The following CCSER1 variants were observed in gnomAD, a reference collection of about 807,000 sequenced individuals.
CCSER1 encodes serine-rich coiled-coil domain-containing protein 1.
A neutral mutation model predicts 82.0 loss-of-function variants in CCSER1; 41 were observed. The observed-to-expected ratio is 0.50, with a 90% CI of 0.39 to 0.65. The LOEUF is 0.65. Among genes scored for constraint, CCSER1 ranks in the 30% least tolerant of loss-of-function variants. The probability of loss-of-function intolerance (pLI) is 0.00; values close to 1 mark genes in which losing one functional copy is unlikely to be tolerated. For synonymous variants in CCSER1, 414 were observed against 383.9 expected (o/e 1.08, Z -0.92); for missense variants, 1,119 against 1,064.2 (o/e 1.05, Z -0.72).
chr4:90,535,916 G>C (rs1040297740), intron 5 of CCSER1, among the ~76,000 whole-genome samples: 1 of 152,078 alleles, frequency 6.6e-6, no homozygotes, highest in Non-Finnish European at 1.5e-5. Context: ...TGAGGAGATG[G>C]AGACTGTAGT....
At chr4:91,296,742 T>C (rs1469297786) in intron 10 of CCSER1, among the ~76,000 whole-genome samples, 2 of 151,120 alleles carry the variant, frequency 1.3e-5, no homozygotes, top group Non-Finnish European at 3.0e-5. Flanking sequence ...ATTCAATGTA[T>C]TCTATACATT....
intron 3 of CCSER1, among the ~76,000 whole-genome samples, chr4:90,324,207 A>G (rs890991466): frequency 1.3e-5 from 2 of 152,218 alleles, no homozygotes; most frequent in African/African-American, 4.8e-5. Context: ...GCTGGGTCAA[A>G]TGGTATTTCT....
chr4:90,243,789 A>G (rs1351810103), intron 1 of CCSER1, among the ~76,000 whole-genome samples: 1 of 152,114 alleles, frequency 6.6e-6, no homozygotes, highest in Non-Finnish European at 1.5e-5. Context: ...ATAAATAAGC[A>G]GGGTGAATAT....
chr4:90,197,427 G>A (rs1385465426), intron 1 of CCSER1, among the ~76,000 whole-genome samples: 1 of 152,046 alleles, frequency 6.6e-6, no homozygotes, highest in Non-Finnish European at 1.5e-5. Flanking sequence ...TCTCATTACT[G>A]GGTATATACC....
At chr4:91,523,675 G>A (rs549271385) in intron 10 of CCSER1, among the ~76,000 whole-genome samples, 9 of 152,110 alleles carry the variant, frequency 5.9e-5, no homozygotes, top group Non-Finnish European at 1.2e-4. Flanking sequence ...GGTGTTTCTG[G>A]TATTCTCTGA....
chr4:90,883,217 C>T (rs1254573032), intron 8 of CCSER1, among the ~76,000 whole-genome samples: 1 of 151,906 alleles, frequency 6.6e-6, no homozygotes, highest in Non-Finnish European at 1.5e-5. Context: ...TAATTCATGG[C>T]AATAGTAAAC....
At chr4:91,075,485 G>A (rs1490331963) in intron 9 of CCSER1, among the ~76,000 whole-genome samples, 6 of 151,978 alleles carry the variant, frequency 3.9e-5, no homozygotes, top group Non-Finnish European at 7.4e-5. Flanking sequence ...TAACAAAGTG[G>A]ATTTTAAATC....
At chr4:90,794,341 A>G (rs1374640874) in intron 7 of CCSER1, among the ~76,000 whole-genome samples, 1 of 152,162 alleles carries the variant, frequency 6.6e-6, no homozygotes, top group East Asian at 1.9e-4. Context: ...ATTTTTGTAT[A>G]TGATGTAAGG....
At chr4:91,564,186 G>A (rs1762780765) in intron 10 of CCSER1, among the ~76,000 whole-genome samples, 1 of 151,846 alleles carries the variant, frequency 6.6e-6, no homozygotes, top group Non-Finnish European at 1.5e-5. Flanking sequence ...ATTGTCTCCA[G>A]CTTCATCCAT....
chr4:91,381,074 C>T (rs1261257277), intron 10 of CCSER1, among the ~76,000 whole-genome samples: 1 of 152,038 alleles, frequency 6.6e-6, no homozygotes, highest in Non-Finnish European at 1.5e-5. Flanking sequence ...GAATATTGGC[C>T]CCCACTCTCT....
chr4:90,177,192 A>C (rs2153382753), intron 1 of CCSER1, among the ~76,000 whole-genome samples: 1 of 152,254 alleles, frequency 6.6e-6, no homozygotes, highest in Non-Finnish European at 1.5e-5. Context: ...ATCAAAGTGC[A>C]GTTCATTTTA....
At chr4:90,535,521 T>C (rs972163382) in intron 5 of CCSER1, among the ~76,000 whole-genome samples, 9 of 152,222 alleles carry the variant, frequency 5.9e-5, no homozygotes, top group Non-Finnish European at 1.3e-4. Context: ...AAGAACTATA[T>C]TGTTTACACT....
At chr4:90,813,739 T>C (rs62309551) in intron 7 of CCSER1, among the ~76,000 whole-genome samples, 50,762 of 152,008 alleles carry the variant, frequency 0.33, 8,619 homozygotes, top group East Asian at 0.42. Context: ...CAATTAAACC[T>C]CTTTTTCTTT....
intron 8 of CCSER1, among the ~76,000 whole-genome samples, chr4:90,877,239 A>T (rs1157752386): frequency 6.6e-6 from 1 of 152,132 alleles, no homozygotes; most frequent in Non-Finnish European, 1.5e-5. Context: ...CTAGGTGCTC[A>T]GTTCAGCCTT....
chr4:91,557,662 G>A (rs1018031687), intron 10 of CCSER1, among the ~76,000 whole-genome samples: 6 of 151,408 alleles, frequency 4.0e-5, no homozygotes, highest in Non-Finnish European at 7.4e-5. Flanking sequence ...GGTTGGATGA[G>A]TTCCTAATGG....
chr4:90,453,809 A>G (rs1451864765), intron 4 of CCSER1, among the ~76,000 whole-genome samples: 1 of 152,164 alleles, frequency 6.6e-6, no homozygotes, highest in Non-Finnish European at 1.5e-5. Context: ...TGGTAGCACT[A>G]AGAGAGAAGG....
intron 1 of CCSER1, among the ~76,000 whole-genome samples, chr4:90,220,192 A>G (rs1177079197): frequency 2.0e-5 from 3 of 152,258 alleles, no homozygotes; most frequent in Non-Finnish European, 4.4e-5. Flanking sequence ...AAACTTTATC[A>G]TAGGTGTGTA....
intron 8 of CCSER1, 147 bp downstream of exon 8, chr4:90,815,992 A>G: frequency 1.9e-6 from 1 of 530,418 alleles, no homozygotes; most frequent in Non-Finnish European, 3.3e-6. Flanking sequence ...TAATTCTGTC[A>G]TGAAAACTAT....
chr4:90,521,111 A>G (rs1485484936), intron 5 of CCSER1, among the ~76,000 whole-genome samples: 3 of 152,104 alleles, frequency 2.0e-5, no homozygotes, highest in Non-Finnish European at 4.4e-5. Context: ...TAAACACTCA[A>G]TTTGCTTTCT....
Sources: gnomAD v4.1 joint callset for allele counts (sites outside exome capture counted in the v4.1 genomes callset) on GRCh38, gnomAD v4.1.1 for gene constraint, MANE v1.5 for transcripts, NCBI Gene and HGNC (gene_info 2026-07-23, HGNC 2026-07-21) for gene names.